The following PPP2R2C variants were observed in gnomAD, a reference collection of about 807,000 sequenced individuals.
PPP2R2C encodes protein phosphatase 2, regulatory subunit B, gamma.
PPP2R2C carries 10 observed loss-of-function variants against 45.3 expected under a neutral mutation model. That is an observed-to-expected ratio of 0.22 (90% CI 0.14 to 0.37). PPP2R2C has a LOEUF of 0.37. Ranked by LOEUF, PPP2R2C falls within the 10% of genes least tolerant of loss-of-function variation. PPP2R2C has a pLI of 1.00. For synonymous variants in PPP2R2C, 257 were observed against 245.4 expected (o/e 1.05, Z -0.44); for missense variants, 308 against 619.7 (o/e 0.50, Z 5.34).
chr4:6,336,221 G>C (rs112616708), intron 6 of PPP2R2C, among the ~76,000 whole-genome samples: 3,597 of 151,850 alleles, frequency 0.024, 136 homozygotes, highest in African/African-American at 0.081. Context: ...CACGCCCCCA[G>C]TCCCCAGGCC....
At chr4:6,501,373 C>T (rs565204922) in intron 2 of PPP2R2C, among the ~76,000 whole-genome samples, 1 of 152,124 alleles carries the variant, frequency 6.6e-6, no homozygotes, top group African/African-American at 2.4e-5. Context: ...ACCAAGAATA[C>T]AGGAATGGGG....
At chr4:6,392,468 A>T (rs1472651077) in intron 1 of PPP2R2C, among the ~76,000 whole-genome samples, 1 of 152,112 alleles carries the variant, frequency 6.6e-6, no homozygotes, top group Non-Finnish European at 1.5e-5. Context: ...TTAGCTGGGG[A>T]GGCCAGGGAA....
intron 1 of PPP2R2C, among the ~76,000 whole-genome samples, chr4:6,448,989 G>A (rs1227098521): frequency 2.0e-5 from 3 of 152,224 alleles, no homozygotes; most frequent in African/African-American, 7.2e-5. Flanking sequence ...CCCAGGCCAG[G>A]TTCAGGCAAG....
At chr4:6,403,517 C>T (rs948467381) in intron 1 of PPP2R2C, among the ~76,000 whole-genome samples, 1 of 152,206 alleles carries the variant, frequency 6.6e-6, no homozygotes, top group Non-Finnish European at 1.5e-5. Flanking sequence ...CCAAAGCCTT[C>T]CCTGGCCTCC....
intron 1 of PPP2R2C, among the ~76,000 whole-genome samples, chr4:6,550,550 C>T (rs1222009385): frequency 6.6e-6 from 1 of 152,336 alleles, no homozygotes; most frequent in African/African-American, 2.4e-5. Flanking sequence ...CTCTGGGAAG[C>T]ACAGACAGAC....
chr4:6,413,528 C>T (rs1325858498), intron 1 of PPP2R2C, among the ~76,000 whole-genome samples: 1 of 152,212 alleles, frequency 6.6e-6, no homozygotes, highest in Admixed American at 6.5e-5. Context: ...ATTAAACCTG[C>T]CGGGCAGATG....
At chr4:6,485,790 G>A (rs758455725) in intron 2 of PPP2R2C, among the ~76,000 whole-genome samples, 3 of 151,730 alleles carry the variant, frequency 2.0e-5, no homozygotes, top group East Asian at 1.9e-4. Context: ...GAGGTTTATC[G>A]ATTTTACTGA....
Position 6,332,323 on chromosome 4 carries a change from G to T in PPP2R2C, c.960+1239C>A, listed in dbSNP as rs1016098156. Among the ~76,000 whole-genome samples, 1 of 152,212 alleles carries T rather than the reference G, an allele frequency of 6.6e-6. No individual in the cohort carries two copies. The highest frequency in any genetic ancestry group is 2.4e-5 in the African/African-American group (1 of 41,454). ...GGTCTCTGCCATTCCCACAGGGACA[G>T]AGGAGGGCTGAGTCCTGCCTGGGGT... On this transcript the variant is annotated intron_variant, in intron 7 of 8. Transcript: ENST00000382599. The surrounding 1 kb of genome is among the most constrained non-coding windows in gnomAD (Gnocchi z 4.9).
At chr4:6,435,740 C>T (rs1719860785) in intron 1 of PPP2R2C, among the ~76,000 whole-genome samples, 1 of 152,134 alleles carries the variant, frequency 6.6e-6, no homozygotes, top group African/African-American at 2.4e-5. Flanking sequence ...GATCAGATGC[C>T]ACAGGCTGGC....
At chr4:6,384,249 C>T (rs1362083386) in intron 1 of PPP2R2C, 1 of 985,374 alleles carries the variant, frequency 1.0e-6, no homozygotes, top group Non-Finnish European at 1.2e-6. Context: ...CATATTAAAA[C>T]CCCCTGAGGG....
chr4:6,327,431 C>CA (rs1323714869), intron 8 of PPP2R2C, among the ~76,000 whole-genome samples: 2 of 152,202 alleles, frequency 1.3e-5, no homozygotes, highest in Non-Finnish European at 2.9e-5. Flanking sequence ...GTCCTGGGAG[C>CA]AGGCATCACC....
At chr4:6,334,878 G>A (rs549286688) in intron 6 of PPP2R2C, among the ~76,000 whole-genome samples, 2 of 152,272 alleles carry the variant, frequency 1.3e-5, no homozygotes, top group South Asian at 2.1e-4. Flanking sequence ...CTCCCTGCTG[G>A]CCCCTCTCAG....
chr4:6,521,159 AC>A (rs1430223339), intron 2 of PPP2R2C, among the ~76,000 whole-genome samples: 1 of 152,196 alleles, frequency 6.6e-6, no homozygotes, highest in African/African-American at 2.4e-5. Flanking sequence ...CCGGGTGCCC[AC>A]CACTGCATGT....
intron 7 of PPP2R2C, among the ~76,000 whole-genome samples, chr4:6,333,208 T>A (rs1208269732): frequency 6.6e-6 from 1 of 152,168 alleles, no homozygotes; most frequent in Non-Finnish European, 1.5e-5. Flanking sequence ...ACAGCTCCGA[T>A]GCAGGCTCCC....
chr4:6,387,276 C>T (rs936992648), intron 1 of PPP2R2C, among the ~76,000 whole-genome samples: 1 of 152,000 alleles, frequency 6.6e-6, no homozygotes, highest in African/African-American at 2.4e-5. Flanking sequence ...AGGATAAGCA[C>T]AAGGAAAATT....
At chr4:6,350,449 G>C (rs1294745617) in intron 5 of PPP2R2C, 19 of 985,300 alleles carry the variant, frequency 1.9e-5, no homozygotes, top group Non-Finnish European at 2.2e-5. Context: ...CATTCTCTCT[G>C]CACACCCTGA....
chr4:6,349,663 A>G (rs1712349262), intron 5 of PPP2R2C: 1 of 853,258 alleles, frequency 1.2e-6, no homozygotes, highest in South Asian at 5.4e-5. Context: ...ACACAGTAAA[A>G]CCCCGTCTCT....
At chr4:6,502,278 G>A (rs1160330836) in intron 2 of PPP2R2C, among the ~76,000 whole-genome samples, 1 of 152,198 alleles carries the variant, frequency 6.6e-6, no homozygotes, top group Non-Finnish European at 1.5e-5. Flanking sequence ...GAAGTCCACA[G>A]GGGCTTTCCA....
At chr4:6,381,140 G>C in intron 1 of PPP2R2C, 46 bp from the exon 2 acceptor site, 1 of 1,554,094 alleles carries the variant, frequency 6.4e-7, no homozygotes, top group East Asian at 2.4e-5. Context: ...GTCAGAACCC[G>C]CCTCTCCCGG....
Sources: allele counts gnomAD v4.1 joint callset (sites outside exome capture counted in the v4.1 genomes callset), GRCh38; gene constraint gnomAD v4.1.1; non-coding constraint Gnocchi (gnomAD v3.1); transcripts MANE v1.5; gene names NCBI Gene and HGNC (gene_info 2026-07-23, HGNC 2026-07-21).